The following YAF2 variants were observed in gnomAD, a reference collection of about 807,000 sequenced individuals.
The protein encoded by YAF2 is YY1-associated factor 2.
YAF2 carries 7 observed loss-of-function variants against 20.1 expected under a neutral mutation model. The observed-to-expected ratio is 0.35, with a 90% CI of 0.20 to 0.65. The LOEUF (loss-of-function observed/expected upper bound fraction) is 0.65, where lower values mean the gene tolerates loss of function less well. YAF2 is among the 30% of genes least tolerant of loss of function. The pLI is 0.69. For missense variants in YAF2, 151 were observed against 219.2 expected, an observed-to-expected ratio of 0.69 and a Z score of 1.96; for synonymous variants, 74 against 76.0, an observed-to-expected ratio of 0.97 and a Z score of 0.14.
At chr12:42,182,044 T>TA (rs2066355609) in intron 2 of YAF2, among the ~76,000 whole-genome samples, 1 of 152,148 alleles carries the variant, frequency 6.6e-6, no homozygotes, top group Non-Finnish European at 1.5e-5. Context: ...TGAAAGTACC[T>TA]CTCTGCCAAA....
chr12:42,206,154 G>A (rs992291831), intron 2 of YAF2, among the ~76,000 whole-genome samples: 21 of 151,762 alleles, frequency 1.4e-4, no homozygotes, highest in African/African-American at 4.6e-4. Context: ...CTTTAGCTGT[G>A]TCATATCTTC....
At chr12:42,212,148 C>G (rs1565639141) in intron 2 of YAF2, among the ~76,000 whole-genome samples, 1 of 151,678 alleles carries the variant, frequency 6.6e-6, no homozygotes, top group East Asian at 1.9e-4. Flanking sequence ...AATACTTGTA[C>G]AAAAGAAATA....
rs2065768390 is a variant in YAF2, at chr12:42,160,051, T to C, written c.*538A>G. On this transcript the variant is annotated 3_prime_UTR_variant, in exon 4 of 4. Coordinates refer to ENST00000534854, the MANE Select transcript of YAF2 (RefSeq NM_005748.6). The stretch of plus-strand genomic sequence containing the variant: ...TGTCAAAAACATTGGCAAAGGTTCA[T>C]ACAAATTCTTTATTTAATAACAATT... The C allele has an allele frequency of 6.6e-6, 1 of 152,662 alleles. No individual in the cohort carries two copies. The highest frequency in any genetic ancestry group is 2.4e-5 in the African/African-American group (1 of 41,460). The allele number at this position is 152,662 out of a possible 1,614,324, so 9.5% of individuals were successfully genotyped here.
chr12:42,210,141 G>C (rs2067164998), intron 2 of YAF2, among the ~76,000 whole-genome samples: 3 of 152,110 alleles, frequency 2.0e-5, no homozygotes. Context: ...ACGTAAATAA[G>C]ATACTTTAAA....
At chr12:42,237,462 T>G (rs1461077778) in intron 2 of YAF2, 137 bp downstream of exon 2, 1 of 1,354,278 alleles carries the variant, frequency 7.4e-7, no homozygotes, top group Non-Finnish European at 9.5e-7. Context: ...GTGACCCAGT[T>G]CCTATCGCCA....
At chr12:42,174,528 C>T (rs1462779924) in intron 2 of YAF2, among the ~76,000 whole-genome samples, 1 of 152,158 alleles carries the variant, frequency 6.6e-6, no homozygotes, top group Non-Finnish European at 1.5e-5. Context: ...TCTTTGGATA[C>T]CTCTTATCTA....
Position 42,211,772 on chromosome 12 carries a change from G to A in YAF2, c.152+25827C>T, listed in dbSNP as rs533613504. On this transcript the variant is annotated intron_variant, in intron 2 of 3. Transcript: ENST00000534854. ...AAAAAAAAAAAAAAAAAGTCAGCCA[G>A]GCACGGTGGCTTGCACCTGTGATTC... 2.1e-4 allele frequency among the ~76,000 whole-genome samples: 32 copies of A among 150,500 alleles called. 1 individual carries two copies. The South Asian group carries it at 6.5e-3, about 31-fold the overall frequency.
intron 2 of YAF2, chr12:42,235,619 G>A: frequency 6.7e-6 from 10 of 1,487,016 alleles, no homozygotes; most frequent in Non-Finnish European, 8.0e-6. Context: ...CTTACTTTCA[G>A]GAACACAGTG....
intron 2 of YAF2, among the ~76,000 whole-genome samples, chr12:42,184,708 T>C (rs935315412): frequency 6.6e-6 from 1 of 152,184 alleles, no homozygotes; most frequent in Non-Finnish European, 1.5e-5. Flanking sequence ...TGAAACCTTC[T>C]GGAAAGGCTT....
chr12:42,197,697 T>C (rs2066790026), intron 2 of YAF2, among the ~76,000 whole-genome samples: 2 of 152,136 alleles, frequency 1.3e-5, no homozygotes, highest in African/African-American at 4.8e-5. Context: ...TAAGAAAACA[T>C]GTAACCCGAA....
chr12:42,210,483 T>C (rs962154293), intron 2 of YAF2: 6 of 1,535,914 alleles, frequency 3.9e-6, no homozygotes, highest in Non-Finnish European at 5.2e-6. Flanking sequence ...CAGACGTATA[T>C]GTAAGAAAGT....
At chr12:42,179,299 G>A (rs554006539) in intron 2 of YAF2, among the ~76,000 whole-genome samples, 18 of 152,152 alleles carry the variant, frequency 1.2e-4, no homozygotes, top group South Asian at 8.3e-4. Flanking sequence ...GTGAAACCCC[G>A]TCTCTACTAA....
intron 1 of YAF2, 56 bp from the exon 2 acceptor site, chr12:42,237,780 G>C (rs1256162731): frequency 7.8e-7 from 1 of 1,280,410 alleles, no homozygotes. Context: ...GGCCGCGCCC[G>C]GTGCCCGGGC....
chr12:42,182,929 A>C (rs77135603), intron 2 of YAF2, among the ~76,000 whole-genome samples: 597 of 152,322 alleles, frequency 3.9e-3, no homozygotes, highest in African/African-American at 0.014. Context: ...TACTTTTTAC[A>C]AATTGAAGGT....
intron 2 of YAF2, among the ~76,000 whole-genome samples, chr12:42,197,916 C>CAAAATATT (rs890448870): frequency 2.6e-5 from 4 of 151,988 alleles, no homozygotes; most frequent in African/African-American, 9.7e-5. Flanking sequence ...AACAGACTAT[C>CAAAATATT]AAAATATTAA....
intron 2 of YAF2, among the ~76,000 whole-genome samples, chr12:42,183,782 T>C (rs1565612733): frequency 6.6e-6 from 1 of 152,226 alleles, no homozygotes; most frequent in Non-Finnish European, 1.5e-5. Context: ...AGATTTTCAA[T>C]GTAGACAAAA....
At position 42,158,145 on chromosome 12, in the gene YAF2, T is replaced by C. The variant is rs954583174; in HGVS notation, c.*2444A>G. 5.9e-5 allele frequency: 9 copies of C among 152,192 alleles called. No individual in the cohort carries two copies. Among genetic ancestry groups the C allele is most frequent in the South Asian group, 4.1e-4 (2 of 4,832 alleles). The allele number at this position is 152,192 out of a possible 1,614,324, so 9.4% of individuals were successfully genotyped here. A position where few individuals can be genotyped will look rare whatever the true frequency, so the allele number is the denominator to read the frequency against. ...CTGTTTTCCTGGTGTGGAAGTGTACTTGAAGTAGGGTGAAACAAAGGCAGG... is the reference window on the plus strand; with the variant it reads ...CTGTTTTCCTGGTGTGGAAGTGTACCTGAAGTAGGGTGAAACAAAGGCAGG... On this transcript the variant is annotated 3_prime_UTR_variant, in exon 4 of 4. Transcript: ENST00000534854.
At chr12:42,237,747 G>C (rs756671941) in intron 1 of YAF2, 23 bp from the exon 2 acceptor site, 1 of 1,502,072 alleles carries the variant, frequency 6.7e-7, no homozygotes, top group Non-Finnish European at 8.9e-7. Context: ...ACCCGGACAC[G>C]ACGCGGCGCG....
At chr12:42,196,199 C>A (rs539310424) in intron 2 of YAF2, among the ~76,000 whole-genome samples, 33 of 143,408 alleles carry the variant, frequency 2.3e-4, no homozygotes, top group African/African-American at 8.4e-4. Context: ...TGCACTCCAG[C>A]CTGGGCGACA....
Sources: gnomAD v4.1 joint callset for allele counts (sites outside exome capture counted in the v4.1 genomes callset) on GRCh38, gnomAD v4.1.1 for gene constraint, MANE v1.5 for transcripts, NCBI Gene and HGNC (gene_info 2026-07-23, HGNC 2026-07-21) for gene names.